ZNF609: variants seen among roughly 807,000 people sequenced by gnomAD.
ZNF609 encodes the protein zinc finger protein 609.
Under a neutral mutation model 109.5 loss-of-function variants are expected in ZNF609, and 11 were observed. That is an observed-to-expected ratio of 0.10 (90% CI 0.06 to 0.17). The LOEUF is 0.17. Ranked by LOEUF, ZNF609 falls within the 10% of genes least tolerant of loss-of-function variation. ZNF609 has a pLI of 1.00. For missense variants in ZNF609, 1,559 were observed against 1,772.4 expected, an observed-to-expected ratio of 0.88 and a Z score of 2.16; for synonymous variants, 646 against 662.0, an observed-to-expected ratio of 0.98 and a Z score of 0.37.
chr15:64,634,633 C>T (rs751672015), intron 3 of ZNF609, among the ~76,000 whole-genome samples: 6 of 152,144 alleles, frequency 3.9e-5, no homozygotes, highest in Admixed American at 6.6e-5. Context: ...GCCCCTTCAC[C>T]TTCAGTCTTG....
At chr15:64,528,688 G>T in intron 2 of ZNF609, 1 of 1,175,704 alleles carries the variant, frequency 8.5e-7, no homozygotes, top group Non-Finnish European at 1.2e-6. Context: ...AGGCATTGTG[G>T]GCCATGAGGT....
chr15:64,656,783 T>G lies in ZNF609; in HGVS notation c.974-13563T>G, dbSNP rs116249130. Among the ~76,000 whole-genome samples the G allele has an allele frequency of 8.0e-3, 1,169 of 146,834 alleles. 19 individuals carry two copies. Among genetic ancestry groups the G allele is most frequent in the African/African-American group, 0.028 (1,125 of 40,002 alleles). On this transcript the variant is annotated intron_variant, in intron 3 of 9. Coordinates refer to ENST00000326648, the MANE Select transcript of ZNF609 (RefSeq NM_015042.2). ...TCCCTCTTTCTCCTCCCCTCCCCTC[T>G]CTCCCTTCCTCCCTTCCTCTTTCTT...
chr15:64,513,544 G>T (rs1025842218), intron 2 of ZNF609, among the ~76,000 whole-genome samples: 1 of 152,150 alleles, frequency 6.6e-6, no homozygotes, highest in Non-Finnish European at 1.5e-5. Context: ...TCAGTCAGAA[G>T]TTACCTACAG....
chr15:64,656,783 TCTCCCTTC>T (rs971178157), intron 3 of ZNF609, among the ~76,000 whole-genome samples: 26 of 146,700 alleles, frequency 1.8e-4, no homozygotes, highest in African/African-American at 6.3e-4. Flanking sequence ...CCCTCCCCTC[TCTCCCTTC>T]CTCCCTTCCT....
In ZNF609 at chr15:64,515,711, C is replaced by T. The variant is rs1328036665; in HGVS notation, c.747+15545C>T. On this transcript the variant is annotated intron_variant, in intron 2 of 9. Transcript: ENST00000326648. The stretch of plus-strand genomic sequence containing the variant: ...CAGCACTTTGGGAGGCCGAGGCAGG[C>T]GAATAACCTGAGGTCAGGAGTTCGA... Among the ~76,000 whole-genome samples the T allele has an allele frequency of 3.3e-5, 5 of 151,228 alleles. No homozygotes were observed. The East Asian group carries it at 5.8e-4, about 18-fold the overall frequency.
At chr15:64,673,296 G>A (rs1896763107) in intron 4 of ZNF609, among the ~76,000 whole-genome samples, 2 of 152,100 alleles carry the variant, frequency 1.3e-5, no homozygotes, top group African/African-American at 2.4e-5. Context: ...GATTTACAAG[G>A]GAACCAATCT....
intron 2 of ZNF609, chr15:64,502,147 G>C (rs1291865434): frequency 1.3e-5 from 2 of 152,122 alleles, no homozygotes; most frequent in Non-Finnish European, 2.9e-5. Context: ...AAAATTGCTG[G>C]CAATTACTTT....
At chr15:64,494,083 G>A (rs997892088) in intron 1 of ZNF609, among the ~76,000 whole-genome samples, 3 of 152,144 alleles carry the variant, frequency 2.0e-5, no homozygotes, top group African/African-American at 4.8e-5. Flanking sequence ...TAGTACTTAC[G>A]AAAACTCTTC....
At chr15:64,474,573 T>C (rs1277892971) in intron 1 of ZNF609, among the ~76,000 whole-genome samples, 1 of 152,172 alleles carries the variant, frequency 6.6e-6, no homozygotes. Context: ...TCATGGTTAT[T>C]GCCTTTTTTT....
chr15:64,549,969 A>T (rs1314735994), intron 2 of ZNF609, among the ~76,000 whole-genome samples: 1 of 151,686 alleles, frequency 6.6e-6, no homozygotes, highest in Non-Finnish European at 1.5e-5. Context: ...TCTTTTCTTC[A>T]TGTTTTTTTA....
At chr15:64,646,998 C>G (rs1018429082) in intron 3 of ZNF609, among the ~76,000 whole-genome samples, 4 of 148,208 alleles carry the variant, frequency 2.7e-5, no homozygotes, top group African/African-American at 1.0e-4. Flanking sequence ...GTGATAAACT[C>G]ATTATCACTG....
At chr15:64,603,994 T>C in intron 2 of ZNF609, among the ~76,000 whole-genome samples, 1 of 72,792 alleles carries the variant, frequency 1.4e-5, no homozygotes, top group East Asian at 4.2e-4. Flanking sequence ...TGAGACTCCG[T>C]CTCAAAAAAA....
chr15:64,666,806 C>T (rs1896655567), intron 3 of ZNF609, among the ~76,000 whole-genome samples: 1 of 151,806 alleles, frequency 6.6e-6, no homozygotes, highest in African/African-American at 2.4e-5. Flanking sequence ...TGAGCCACCG[C>T]ACCCGGCTTA....
chr15:64,489,326 C>T (rs1334471931), intron 1 of ZNF609, among the ~76,000 whole-genome samples: 1 of 151,730 alleles, frequency 6.6e-6, no homozygotes, highest in Non-Finnish European at 1.5e-5. Context: ...GCTGGGATTA[C>T]AGGCACCTGC....
chr15:64,676,948 T>A (rs894555553), intron 5 of ZNF609, among the ~76,000 whole-genome samples: 1 of 151,642 alleles, frequency 6.6e-6, no homozygotes, highest in Non-Finnish European at 1.5e-5. Flanking sequence ...AGAGACGGGG[T>A]TTCACCATGT....
chr15:64,657,115 C>T (rs1019816224), intron 3 of ZNF609, among the ~76,000 whole-genome samples: 4 of 151,286 alleles, frequency 2.6e-5, no homozygotes, highest in South Asian at 2.1e-4. Context: ...AAAAATTAGC[C>T]GGGCATGGTG....
At chr15:64,508,044 AAGTGT>A (rs1369396629) in intron 2 of ZNF609, among the ~76,000 whole-genome samples, 2 of 152,164 alleles carry the variant, frequency 1.3e-5, no homozygotes, top group East Asian at 3.8e-4. Context: ...CTGCCTAAGA[AAGTGT>A]AGACTTTGGG....
rs1363830380 is a variant in ZNF609 at position 64,576,973 on chromosome 15, T to C, written c.748-45854T>C. ...ACATATATGTATATATACACATAAA[T>C]ATATATATGTATGTATACACATAAA... is the stretch of plus-strand genomic sequence containing the variant. On this transcript the variant is annotated intron_variant, in intron 2 of 9. Transcript: ENST00000326648. Among the ~76,000 whole-genome samples the C allele has an allele frequency of 3.1e-3, 404 of 132,182 alleles. 13 individuals carry two copies. Among genetic ancestry groups the C allele is most frequent in the African/African-American group, 0.011 (388 of 35,758 alleles). The allele number at this position is 132,182 out of a possible 152,430, so 86.7% of individuals were successfully genotyped here.
chr15:64,665,149 G>A (rs1266679185), intron 3 of ZNF609, among the ~76,000 whole-genome samples: 2 of 152,106 alleles, frequency 1.3e-5, no homozygotes, highest in Admixed American at 1.3e-4. Flanking sequence ...AAGATGCCAG[G>A]GCACTGCAAA....
Sources: gnomAD v4.1 joint callset for allele counts (sites outside exome capture counted in the v4.1 genomes callset) on GRCh38, gnomAD v4.1.1 for gene constraint, MANE v1.5 for transcripts, NCBI Gene and HGNC (gene_info 2026-07-23, HGNC 2026-07-21) for gene names.